Variants in ZNF652 observed in about 807,000 individuals in gnomAD.
ZNF652 encodes zinc finger protein 652.
Under a neutral mutation model 45.2 loss-of-function variants are expected in ZNF652, and 16 were observed. The ratio of observed to expected loss-of-function variants is 0.35; its 90% CI spans 0.24 to 0.54. The LOEUF (loss-of-function observed/expected upper bound fraction) is 0.54. Ranked by LOEUF, ZNF652 falls within the 20% of genes least tolerant of loss-of-function variation. The pLI, the probability that ZNF652 is intolerant of heterozygous loss-of-function variation, is 0.91. For missense variants in ZNF652, 614 were observed against 765.6 expected (o/e 0.80, Z 2.34); for synonymous variants, 250 against 260.6 (o/e 0.96, Z 0.39).
rs1223699391 is a variant in ZNF652 at position 49,294,239 on chromosome 17, C to T, written c.*4174G>A. ...TTGCTTTCGGTTAGTATATGAGGGACAATCAAATTATAGGGACAGTTCTAA... is the reference window on the plus strand; with the variant it reads ...TTGCTTTCGGTTAGTATATGAGGGATAATCAAATTATAGGGACAGTTCTAA... On this transcript the variant is annotated 3_prime_UTR_variant, in exon 6 of 6. Coordinates refer to ENST00000430262, the MANE Select transcript of ZNF652 (RefSeq NM_001145365.3). 6.6e-6 allele frequency among the ~76,000 whole-genome samples: 1 copy of T among 152,112 alleles called. No homozygotes were observed. The highest frequency in any genetic ancestry group is 1.5e-5 in the Non-Finnish European group (1 of 68,004).
chr17:49,314,218 G>A (rs2069765422), intron 2 of ZNF652, among the ~76,000 whole-genome samples: 1 of 151,752 alleles, frequency 6.6e-6, no homozygotes, highest in Non-Finnish European at 1.5e-5. Flanking sequence ...CTGGAGTGCA[G>A]TGGTGTGATC....
chr17:49,345,694 A>G (rs1442108887), intron 1 of ZNF652, among the ~76,000 whole-genome samples: 1 of 150,264 alleles, frequency 6.7e-6, no homozygotes, highest in Non-Finnish European at 1.5e-5. Flanking sequence ...ACAAAAAATT[A>G]GCCGGGCGTG....
In ZNF652 at chr17:49,298,683, AG is replaced by A; in HGVS notation, c.1550del (p.Pro517LeufsTer4). ...PLTTSPATPV[P>X]SVVNTATTPT... ...GGGTTGTGGCTGTGTTCACCACAGA[AG>A]GAACTGGGGTGGCTGGGGAAGTTGT... On this transcript the variant is annotated frameshift_variant, in exon 6 of 6. Coordinates refer to ENST00000430262, the MANE Select transcript of ZNF652 (RefSeq NM_001145365.3). LOFTEE classifies it high-confidence loss of function. 6.2e-7 allele frequency: 1 copy of A among 1,613,878 alleles called. No individual in the cohort carries two copies. The highest frequency in any genetic ancestry group is 8.5e-7 in the Non-Finnish European group (1 of 1,179,978).
intron 2 of ZNF652, among the ~76,000 whole-genome samples, chr17:49,313,812 A>C (rs987975429): frequency 3.3e-5 from 5 of 151,456 alleles, no homozygotes; most frequent in Admixed American, 6.6e-5. Flanking sequence ...ATCTCTACTA[A>C]AAATAAAAAA....
intron 1 of ZNF652, among the ~76,000 whole-genome samples, chr17:49,336,322 CCTT>C (rs1191530685): frequency 8.1e-6 from 1 of 123,548 alleles, no homozygotes; most frequent in East Asian, 2.4e-4. Flanking sequence ...CATGCCCAGC[CCTT>C]TTTTTTTTTT....
chr17:49,298,715 G>A lies in ZNF652; in HGVS notation c.1519C>T (p.Pro507Ser). ...GGGGTGGCTGGGGAAGTTGTAAGTG[G>A]GATCTGGACAGCAGGTGGCACATTC... ...PVNVPPAVQI[P>S]LTTSPATPVP... The change falls in exon 6 of 6, where the codon CCA (proline) becomes TCA (serine). Residue 507 changes from proline to serine, a missense_variant. By Grantham distance (74) the Pro-to-Ser change is moderately conservative (BLOSUM62 -1). Coordinates refer to ENST00000430262, the MANE Select transcript of ZNF652 (RefSeq NM_001145365.3). The A allele has an allele frequency of 1.2e-6, 2 of 1,614,090 alleles. No homozygotes were observed. Among genetic ancestry groups the A allele is most frequent in the Non-Finnish European group, 1.7e-6 (2 of 1,180,026 alleles).
At chr17:49,333,436 G>A (rs1053490704) in intron 1 of ZNF652, among the ~76,000 whole-genome samples, 6 of 149,382 alleles carry the variant, frequency 4.0e-5, no homozygotes, top group Non-Finnish European at 7.4e-5. Flanking sequence ...TGGGCCAGGC[G>A]TGGTGGCTCA....
At chr17:49,311,859 C>G in intron 4 of ZNF652, 68 bp downstream of exon 4, 1 of 1,340,756 alleles carries the variant, frequency 7.5e-7, no homozygotes, top group Non-Finnish European at 1.0e-6. Context: ...ACACCTCTCT[C>G]TCACTGGTCC....
chr17:49,331,319 C>T (rs978371311), intron 1 of ZNF652, among the ~76,000 whole-genome samples: 2 of 151,952 alleles, frequency 1.3e-5, no homozygotes, highest in African/African-American at 4.8e-5. Context: ...GACGGGCTTT[C>T]ACCGTGTTAG....
At chr17:49,355,540 G>A (rs1598320230) in intron 1 of ZNF652, among the ~76,000 whole-genome samples, 1 of 152,008 alleles carries the variant, frequency 6.6e-6, no homozygotes, top group African/African-American at 2.4e-5. Context: ...TGGCACCACT[G>A]CACTCCAGCC....
At chr17:49,334,836 G>A (rs1018311667) in intron 1 of ZNF652, among the ~76,000 whole-genome samples, 26 of 150,764 alleles carry the variant, frequency 1.7e-4, no homozygotes, top group Non-Finnish European at 2.8e-4. Flanking sequence ...GAAAAACCCC[G>A]AAAGCATTAT....
intron 1 of ZNF652, among the ~76,000 whole-genome samples, chr17:49,340,746 C>A (rs1020847842): frequency 6.6e-6 from 1 of 151,796 alleles, no homozygotes; most frequent in Non-Finnish European, 1.5e-5. Flanking sequence ...CCCATCTCTA[C>A]AAGAAATACA....
rs565083572 is a variant in ZNF652 at position 49,295,106 on chromosome 17, C to CCT, written c.*3306_*3307insAG. 1 of 137,086 alleles carries CCT rather than the reference C, an allele frequency of 7.3e-6. No individual in the cohort carries two copies. The highest frequency in any genetic ancestry group is 2.7e-5 in the African/African-American group (1 of 37,674). 8.5% of individuals were successfully genotyped at this position (137,086 alleles called of 1,614,324 possible). A position where few individuals can be genotyped will look rare whatever the true frequency, so the allele number is the denominator to read the frequency against. ...CAGAAGCATTAATGTTGTGAATATT[C>CCT]TTTTTTTTTTTTTTTTTGAGATGGA... On this transcript the variant is annotated 3_prime_UTR_variant, in exon 6 of 6. Transcript: ENST00000430262.
rs774398598 is a variant in ZNF652 at position 49,298,771 on chromosome 17, T to C, written c.1463A>G (p.Lys488Arg). The part of the protein sequence containing the change: ...FRFSNMLKAH[K>R]EKCFRVTSPV... ...GCTGGTCACCCGAAAGCACTTCTCCTTGTGGGCCTTAAGCATGTTCGAGAA... is the reference window on the plus strand; with the variant it reads ...GCTGGTCACCCGAAAGCACTTCTCCCTGTGGGCCTTAAGCATGTTCGAGAA... The change falls in exon 6 of 6, where the codon AAG (lysine) becomes AGG (arginine). Residue 488 changes from lysine (K) to arginine (R), a missense_variant. Physicochemically the swap from Lys to Arg is conservative, Grantham distance 26. Around this residue, in one of 5 missense-constraint regions of ZNF652, gnomAD observed 81 missense variants for 167.0 expected, o/e 0.48. Coordinates refer to ENST00000430262, the MANE Select transcript of ZNF652 (RefSeq NM_001145365.3). 3 of 1,614,062 alleles carry C rather than the reference T, an allele frequency of 1.9e-6. No homozygotes were observed. The highest frequency in any genetic ancestry group is 2.2e-5 in the South Asian group (2 of 91,064).
rs2069433517 is a variant in ZNF652 at position 49,293,657 on chromosome 17, A to G, written c.*4756T>C. Among the ~76,000 whole-genome samples, 2 of 5,928 alleles carry G rather than the reference A, an allele frequency of 3.4e-4. No homozygotes were observed. The highest frequency in any genetic ancestry group is 1.2e-3 in the Non-Finnish European group (2 of 1,650). The allele number at this position is 5,928 out of a possible 152,430, so 3.9% of individuals were successfully genotyped here. A position where few individuals can be genotyped will look rare whatever the true frequency, so the allele number is the denominator to read the frequency against. Reference sequence around the variant, plus strand: ...AATGGCTTATGACCTTTCATTCCTAAAAAAAAAAAAAAAAAAAAAAAAAAA... The same window carrying G: ...AATGGCTTATGACCTTTCATTCCTAGAAAAAAAAAAAAAAAAAAAAAAAAA... On this transcript the variant is annotated 3_prime_UTR_variant, in exon 6 of 6. Coordinates refer to ENST00000430262, the MANE Select transcript of ZNF652 (RefSeq NM_001145365.3).
chr17:49,358,931 T>G (rs2070365770), intron 1 of ZNF652, among the ~76,000 whole-genome samples: 1 of 152,200 alleles, frequency 6.6e-6, no homozygotes, highest in Admixed American at 6.5e-5. Context: ...CACTACTCCT[T>G]AAGTGTTTCA....
chr17:49,327,992 C>G (rs2069984298), intron 1 of ZNF652, among the ~76,000 whole-genome samples: 1 of 151,710 alleles, frequency 6.6e-6, no homozygotes, highest in Non-Finnish European at 1.5e-5. Flanking sequence ...CATTAAAAAT[C>G]TGGCTCTAAA....
At chr17:49,306,645 A>G (rs568507239) in intron 5 of ZNF652, among the ~76,000 whole-genome samples, 2 of 152,340 alleles carry the variant, frequency 1.3e-5, no homozygotes, top group Non-Finnish European at 2.9e-5. Context: ...TTCATAATAC[A>G]TGACACTAAG....
chr17:49,339,641 G>A (rs1022515434), intron 1 of ZNF652, among the ~76,000 whole-genome samples: 2 of 152,060 alleles, frequency 1.3e-5, no homozygotes, highest in South Asian at 2.1e-4. Flanking sequence ...CTGGCTACTC[G>A]TCCACACTCA....
Sources: gnomAD v4.1 joint callset for allele counts (sites outside exome capture counted in the v4.1 genomes callset) on GRCh38, gnomAD v4.1.1 for gene constraint, gnomAD v4.1.1 regional missense constraint, MANE v1.5 for transcripts, NCBI Gene and HGNC (gene_info 2026-07-23, HGNC 2026-07-21) for gene names.